ANGPTL2: variants seen among roughly 807,000 people sequenced by gnomAD.
ANGPTL2 encodes the protein angiopoietin-related protein 2.
ANGPTL2 carries 25 observed loss-of-function variants against 52.8 expected under a neutral mutation model. The observed-to-expected ratio is 0.47, with a 90% CI of 0.35 to 0.66. The LOEUF (loss-of-function observed/expected upper bound fraction) is 0.66, where lower values mean the gene tolerates loss of function less well. Among genes scored for constraint, ANGPTL2 ranks in the 30% least tolerant of loss-of-function variants. The pLI, the probability that ANGPTL2 is intolerant of heterozygous loss-of-function variation, is 0.01. For synonymous variants in ANGPTL2, 276 were observed against 277.4 expected, an observed-to-expected ratio of 1.00 and a Z score of 0.05; for missense variants, 546 against 656.9, an observed-to-expected ratio of 0.83 and a Z score of 1.84.
intron 2 of ANGPTL2, among the ~76,000 whole-genome samples, chr9:127,100,787 G>C (rs553085171): frequency 6.6e-6 from 1 of 152,230 alleles, no homozygotes; most frequent in East Asian, 1.9e-4. Context: ...TAGTTGGCGA[G>C]TGTATTAACC....
At chr9:127,110,740 C>T (rs977207434) in intron 1 of ANGPTL2, among the ~76,000 whole-genome samples, 8 of 152,142 alleles carry the variant, frequency 5.3e-5, no homozygotes, top group Non-Finnish European at 1.2e-4. Context: ...ATCCTAGACG[C>T]CTTTCTTTCT....
At chr9:127,094,246 A>G (rs2052845355) in intron 2 of ANGPTL2, among the ~76,000 whole-genome samples, 2 of 152,136 alleles carry the variant, frequency 1.3e-5, no homozygotes, top group South Asian at 4.1e-4. Flanking sequence ...TTTCCCTCAT[A>G]TAGTGTTGTC....
chr9:127,089,416 C>T (rs1380635143), intron 4 of ANGPTL2, among the ~76,000 whole-genome samples: 1 of 152,208 alleles, frequency 6.6e-6, no homozygotes, highest in Admixed American at 6.5e-5. Context: ...ATGACGCCTG[C>T]CGCACAGGGC....
chr9:127,096,425 G>A (rs761514195), intron 2 of ANGPTL2, among the ~76,000 whole-genome samples: 4 of 152,208 alleles, frequency 2.6e-5, no homozygotes, highest in Non-Finnish European at 5.9e-5. Flanking sequence ...CACTGAGAGC[G>A]AGCAGCCCAG....
At chr9:127,103,788 T>C (rs1395149000) in intron 2 of ANGPTL2, among the ~76,000 whole-genome samples, 1 of 152,128 alleles carries the variant, frequency 6.6e-6, no homozygotes, top group East Asian at 1.9e-4. Context: ...AGCTAGAAGG[T>C]CAGGAAGTAG....
rs778867885 is a variant in ANGPTL2, at chr9:127,093,733, C to G, written c.1011G>C (p.Lys337Asn). 6.2e-7 allele frequency: 1 copy of G among 1,614,038 alleles called. No individual in the cohort carries two copies. The highest frequency in any genetic ancestry group is 1.3e-5 in the African/African-American group (1 of 75,036). ...ACAGACATCCCCTGCCGAGTCTCAC[C>G]TTGTACGTCTCCCAGTTCCTGAAGA... ...VNFFRNWETY[K>N]QGFGNIDGEY... The change falls in exon 3 of 5, where the codon AAG becomes AAC. Residue 337 changes from lysine (K) to asparagine (N), a missense_variant and splice_region_variant. Lys to Asn is a moderately conservative substitution (Grantham distance 94). Transcript: ENST00000373425.
chr9:127,094,013 G>A, intron 2 of ANGPTL2, 87 bp from the exon 3 acceptor site: 1 of 1,472,212 alleles, frequency 6.8e-7, no homozygotes, highest in Non-Finnish European at 9.2e-7. Context: ...CACAACCTCT[G>A]TTGAGGCTCC....
At chr9:127,089,645 G>T (rs938415748) in intron 4 of ANGPTL2, among the ~76,000 whole-genome samples, 1 of 152,182 alleles carries the variant, frequency 6.6e-6, no homozygotes, top group Non-Finnish European at 1.5e-5. Context: ...AAGAAGAAAT[G>T]CTCCTCCAGT....
At position 127,091,476 on chromosome 9, in the gene ANGPTL2, G is replaced by C. The variant is rs920882759; in HGVS notation, c.1282+194C>G. Among the ~76,000 whole-genome samples the C allele has an allele frequency of 2.0e-5, 3 of 151,976 alleles. No homozygotes were observed. Among genetic ancestry groups the C allele is most frequent in the Admixed American group, 2.0e-4 (3 of 15,268 alleles). On this transcript the variant is annotated intron_variant, in intron 4 of 4. Transcript: ENST00000373425. This position sits in a 1 kb window ranked among gnomAD's most constrained non-coding sequence, Gnocchi z 4.3. ...TTTTTCTTAATTTGTAAATGCCACTGTGACCCAGCTTTGTGAAGGGGACCT... is the reference window on the plus strand; with the variant it reads ...TTTTTCTTAATTTGTAAATGCCACTCTGACCCAGCTTTGTGAAGGGGACCT...
chr9:127,091,721 G>T lies in ANGPTL2; in HGVS notation c.1231C>A (p.His411Asn). The T allele has an allele frequency of 6.2e-7, 1 of 1,614,056 alleles. No individual in the cohort carries two copies. The highest frequency in any genetic ancestry group is 8.5e-7 in the Non-Finnish European group (1 of 1,180,026). The change falls in exon 4 of 5, where the codon CAC becomes AAC. Residue 411 changes from histidine (H) to asparagine (N), a missense_variant. Physicochemically the swap from His to Asn is moderately conservative, Grantham distance 68. Around this residue, in one of 2 missense-constraint regions of ANGPTL2, gnomAD observed 261 missense variants for 361.0 expected, o/e 0.72. Coordinates refer to ENST00000373425, the MANE Select transcript of ANGPTL2 (RefSeq NM_012098.3). The surrounding 1 kb of genome is among the most constrained non-coding windows in gnomAD (Gnocchi z 4.3). ...AGGGTGGTGAACTGCTTGCCGTTGT[G>T]CCATGTAAAGGAGTCACCCGCATTG... The part of the protein sequence containing the change: ...HGNAGDSFTW[H>N]NGKQFTTLDR...
intron 2 of ANGPTL2, among the ~76,000 whole-genome samples, chr9:127,098,161 T>A (rs2053344037): frequency 6.6e-6 from 1 of 152,258 alleles, no homozygotes. Context: ...CATGTATTTT[T>A]AAGTCAGAAT....
At chr9:127,119,224 A>G (rs1288106882) in intron 1 of ANGPTL2, among the ~76,000 whole-genome samples, 1 of 152,196 alleles carries the variant, frequency 6.6e-6, no homozygotes, top group Non-Finnish European at 1.5e-5. Context: ...GCTGAGGCTC[A>G]TCTCTAAGAG....
At chr9:127,100,533 A>T (rs551114065) in intron 2 of ANGPTL2, among the ~76,000 whole-genome samples, 1 of 152,350 alleles carries the variant, frequency 6.6e-6, no homozygotes, top group East Asian at 1.9e-4. Flanking sequence ...TAGTGGTCTC[A>T]CTGTGTACAG....
chr9:127,099,037 G>A (rs1439162537), intron 2 of ANGPTL2, among the ~76,000 whole-genome samples: 1 of 152,236 alleles, frequency 6.6e-6, no homozygotes, highest in African/African-American at 2.4e-5. Context: ...GGGCAAGAGG[G>A]ATGCCTCTTC....
chr9:127,112,139 A>G (rs894748126), intron 1 of ANGPTL2, among the ~76,000 whole-genome samples: 1 of 152,160 alleles, frequency 6.6e-6, no homozygotes, highest in Admixed American at 6.5e-5. Flanking sequence ...CATGATTCCT[A>G]TGGCCTGCTC....
chr9:127,107,572 G>A (rs2054339140), intron 2 of ANGPTL2, among the ~76,000 whole-genome samples: 1 of 152,220 alleles, frequency 6.6e-6, no homozygotes. Context: ...TGAGCTGCAG[G>A]AGAGACATTC....
chr9:127,102,436 C>T (rs1255802292), intron 2 of ANGPTL2, among the ~76,000 whole-genome samples: 1 of 152,178 alleles, frequency 6.6e-6, no homozygotes, highest in African/African-American at 2.4e-5. Context: ...TAGCTGGCCA[C>T]AGATGCCTGA....
At chr9:127,107,348 C>T (rs999449154) in intron 2 of ANGPTL2, among the ~76,000 whole-genome samples, 45 of 152,240 alleles carry the variant, frequency 3.0e-4, no homozygotes, top group South Asian at 6.2e-4. Context: ...TAAGATGAAA[C>T]GTGTATGTAA....
chr9:127,108,318 G>A lies in ANGPTL2; in HGVS notation c.414C>T (p.Tyr138=). ...GGATGATCTCGTGCAGGAGCTGCAT[G>A]TAGAGCTGCGTGACCCGCGAGTTCA... is the stretch of plus-strand genomic sequence containing the variant. ...RNMNSRVTQL[Y]MQLLHEIIRK... The change falls in exon 2 of 5, where the codon TAC becomes TAT. Residue 138 remains tyrosine (Y), a synonymous_variant. Coordinates refer to ENST00000373425, the MANE Select transcript of ANGPTL2 (RefSeq NM_012098.3). 6.2e-7 allele frequency: 1 copy of A among 1,613,762 alleles called. No homozygotes were observed. Among genetic ancestry groups the A allele is most frequent in the Non-Finnish European group, 8.5e-7 (1 of 1,179,866 alleles).
Sources: gnomAD v4.1 joint callset for allele counts (sites outside exome capture counted in the v4.1 genomes callset) on GRCh38, gnomAD v4.1.1 for gene constraint, gnomAD v4.1.1 regional missense constraint, Gnocchi (gnomAD v3.1) non-coding constraint, MANE v1.5 for transcripts, NCBI Gene and HGNC (gene_info 2026-07-23, HGNC 2026-07-21) for gene names.